Variants in CD9 observed in about 807,000 individuals in gnomAD.
CD9 encodes CD9 antigen.
In CD9, 10 loss-of-function variants were observed where a neutral mutation model predicts 31.4. The observed-to-expected ratio is 0.32, with a 90% confidence interval of 0.20 to 0.54. The LOEUF is 0.54. Ranked by LOEUF, CD9 falls within the 20% of genes least tolerant of loss-of-function variation. The probability of loss-of-function intolerance (pLI) is 0.94; values close to 1 mark genes in which losing one functional copy is unlikely to be tolerated. For synonymous variants in CD9, 113 were observed against 114.1 expected (o/e 0.99, Z 0.06); for missense variants, 259 against 300.1 (o/e 0.86, Z 1.01).
chr12:6,204,245 A>G (rs4764541), intron 1 of CD9, among the ~76,000 whole-genome samples: 95,948 of 152,040 alleles, frequency 0.63, 31,888 homozygotes, highest in African/African-American at 0.85. Context: ...ACCACATACA[A>G]CAATAGAACT....
In CD9 at chr12:6,221,434, G is replaced by T. The variant is rs11568229; in HGVS notation, c.67-3992G>T. 2.5e-3 allele frequency among the ~76,000 whole-genome samples: 383 copies of T among 152,236 alleles called. 2 individuals are homozygous for T. Among genetic ancestry groups the T allele is most frequent in the Middle Eastern group, 6.8e-3 (2 of 294 alleles). On this transcript the variant is annotated intron_variant, in intron 1 of 7. Transcript: ENST00000009180. ...CAGGGCACTGTCTCATTCAGCATCC[G>T]CATCAAACCTGCTCTGCTCCTGGGA... is the stretch of plus-strand genomic sequence containing the variant.
chr12:6,211,050 C>A (rs550565097), intron 1 of CD9, among the ~76,000 whole-genome samples: 1 of 152,152 alleles, frequency 6.6e-6, no homozygotes, highest in East Asian at 1.9e-4. Flanking sequence ...GTTGGCCAGG[C>A]TGGTCTTGAA....
intron 1 of CD9, among the ~76,000 whole-genome samples, chr12:6,217,358 CAAAAAAAAT>C (rs1228763733): frequency 3.3e-5 from 5 of 149,932 alleles, no homozygotes; most frequent in Non-Finnish European, 1.5e-5. Flanking sequence ...CCTGTCTCTA[CAAAAAAAAT>C]AAGAAAAAAA....
intron 6 of CD9, 116 bp from the exon 7 acceptor site, chr12:6,236,076 C>T: frequency 1.3e-6 from 2 of 1,518,178 alleles, no homozygotes; most frequent in African/African-American, 2.7e-5. Context: ...ACACTCCTGT[C>T]CCCAGCCCAC....
At chr12:6,233,547 A>G in intron 4 of CD9, 61 bp downstream of exon 4, 1 of 1,271,460 alleles carries the variant, frequency 7.9e-7, no homozygotes, top group Non-Finnish European at 1.2e-6. Context: ...ACAGTGAAGC[A>G]GGGGGCAAGT....
intron 2 of CD9, among the ~76,000 whole-genome samples, chr12:6,231,528 G>C (rs1209728383): frequency 6.6e-6 from 1 of 152,206 alleles, no homozygotes; most frequent in African/African-American, 2.4e-5. Context: ...TGCTGATTAA[G>C]GGAATAGTCC....
chr12:6,224,720 G>A (rs1946339945), intron 1 of CD9, among the ~76,000 whole-genome samples: 1 of 152,184 alleles, frequency 6.6e-6, no homozygotes, highest in African/African-American at 2.4e-5. Context: ...GAGCTCAGCT[G>A]GCACTGGGGG....
At chr12:6,233,598 G>C (rs563638735) in intron 4 of CD9, 112 bp downstream of exon 4, 19 of 815,216 alleles carry the variant, frequency 2.3e-5, no homozygotes, top group Non-Finnish European at 3.6e-5. Context: ...TGTTGACCAG[G>C]CCTCTTATCT....
intron 1 of CD9, among the ~76,000 whole-genome samples, chr12:6,211,429 G>A (rs902002244): frequency 6.6e-6 from 1 of 152,142 alleles, no homozygotes; most frequent in Non-Finnish European, 1.5e-5. Context: ...GGAGCAGGAG[G>A]GCCGTTCCAC....
chr12:6,232,138 C>G lies in CD9; in HGVS notation c.176-494C>G, dbSNP rs899673952. Reference sequence around the variant, plus strand: ...AACAGGCAGAGTTGGTTCCCCCCACCCCTGGGTAGGGGGGTGCCTAGGTGT... The same window carrying G: ...AACAGGCAGAGTTGGTTCCCCCCACGCCTGGGTAGGGGGGTGCCTAGGTGT... On this transcript the variant is annotated intron_variant, in intron 2 of 7. Transcript: ENST00000009180. The surrounding 1 kb of genome is among the most constrained non-coding windows in gnomAD (Gnocchi z 4.8). The G allele has an allele frequency of 5.7e-6, 1 of 174,094 alleles. No individual in the cohort carries two copies. Among genetic ancestry groups the G allele is most frequent in the African/African-American group, 2.4e-5 (1 of 41,396 alleles). The allele number at this position is 174,094 out of a possible 1,614,324, so 10.8% of individuals were successfully genotyped here.
chr12:6,208,842 G>T (rs149891665), intron 1 of CD9, among the ~76,000 whole-genome samples: 21 of 152,282 alleles, frequency 1.4e-4, no homozygotes, highest in South Asian at 1.0e-3. Flanking sequence ...GGGATTACAG[G>T]TGTGTAGTTT....
At chr12:6,228,751 C>A (rs1219417337) in intron 2 of CD9, among the ~76,000 whole-genome samples, 2 of 152,176 alleles carry the variant, frequency 1.3e-5, no homozygotes, top group Non-Finnish European at 2.9e-5. Flanking sequence ...GGCCCAGAGC[C>A]CTTCTCCTAG....
chr12:6,220,122 C>G (rs1946279217), intron 1 of CD9, among the ~76,000 whole-genome samples: 1 of 152,120 alleles, frequency 6.6e-6, no homozygotes, highest in African/African-American at 2.4e-5. Flanking sequence ...ATGGATGCGA[C>G]ACTGGCCTGC....
intron 6 of CD9, chr12:6,235,943 C>A (rs191691876): frequency 1.4e-6 from 2 of 1,401,412 alleles, no homozygotes; most frequent in South Asian, 1.6e-5. Context: ...CAGAAATAGA[C>A]CCCCAAGCAG....
At chr12:6,236,308 C>T in intron 7 of CD9, 33 bp downstream of exon 7, 1 of 1,584,252 alleles carries the variant, frequency 6.3e-7, no homozygotes. Context: ...AGGAGGGGGA[C>T]TGAGGAGTTC....
chr12:6,212,943 G>GT (rs1178824429), intron 1 of CD9, among the ~76,000 whole-genome samples: 3 of 152,164 alleles, frequency 2.0e-5, no homozygotes, highest in Non-Finnish European at 4.4e-5. Flanking sequence ...GGGTTGGGGG[G>GT]AGTGGGCCAG....
intron 6 of CD9, 131 bp downstream of exon 6, chr12:6,235,696 C>T (rs759375399): frequency 9.0e-6 from 13 of 1,436,906 alleles, no homozygotes; most frequent in Non-Finnish European, 1.2e-5. Context: ...CCCAGGGCAC[C>T]CATCTCTTTC....
chr12:6,228,847 A>G (rs1057094150), intron 2 of CD9, among the ~76,000 whole-genome samples: 5 of 152,262 alleles, frequency 3.3e-5, no homozygotes, highest in African/African-American at 4.8e-5. Context: ...TGGGCCACCA[A>G]CTGTCTGCAG....
intron 2 of CD9, among the ~76,000 whole-genome samples, chr12:6,230,424 GC>G (rs768388153): frequency 2.6e-5 from 4 of 152,212 alleles, no homozygotes; most frequent in Admixed American, 2.0e-4. Context: ...AATTCCCTTG[GC>G]CTCTGCCAGG....
Sources: allele counts gnomAD v4.1 joint callset (sites outside exome capture counted in the v4.1 genomes callset), GRCh38; gene constraint gnomAD v4.1.1; non-coding constraint Gnocchi (gnomAD v3.1); transcripts MANE v1.5; gene names NCBI Gene and HGNC (gene_info 2026-07-23, HGNC 2026-07-21).